MATN2: variants seen among roughly 807,000 people sequenced by gnomAD.
MATN2 encodes the protein matrilin 2, also known as matrilin-2.
In MATN2, 69 loss-of-function variants were observed where a neutral mutation model predicts 103.2. The ratio of observed to expected loss-of-function variants is 0.67; its 90% CI spans 0.55 to 0.82. The LOEUF is 0.82. MATN2 is among the 40% of genes least tolerant of loss of function. MATN2 has a pLI of 0.00. For missense variants in MATN2, 1,023 were observed against 1,211.5 expected, an observed-to-expected ratio of 0.84 and a Z score of 2.31; for synonymous variants, 429 against 450.2, an observed-to-expected ratio of 0.95 and a Z score of 0.60.
chr8:97,925,034 C>A (rs1167264862), intron 2 of MATN2, among the ~76,000 whole-genome samples: 1 of 152,106 alleles, frequency 6.6e-6, no homozygotes. Context: ...GAGCAATGAA[C>A]AATTTGTGAA....
chr8:97,924,847 G>A (rs1001352554), intron 2 of MATN2, among the ~76,000 whole-genome samples: 15 of 152,010 alleles, frequency 9.9e-5, no homozygotes, highest in Non-Finnish European at 1.8e-4. Context: ...TGCATCTTGA[G>A]TATTCTGGAA....
intron 7 of MATN2, among the ~76,000 whole-genome samples, chr8:97,999,271 C>A (rs1275637510): frequency 6.6e-6 from 1 of 152,186 alleles, no homozygotes; most frequent in Non-Finnish European, 1.5e-5. Context: ...CACCTTTTGA[C>A]TTTTATTTAT....
intron 6 of MATN2, among the ~76,000 whole-genome samples, chr8:97,987,255 G>A (rs770552785): frequency 1.3e-5 from 2 of 152,118 alleles, no homozygotes; most frequent in South Asian, 2.1e-4. Flanking sequence ...ACATGGACAC[G>A]TGATAGGGAG....
In MATN2 at chr8:98,007,223, CTCCCGTGAG is replaced by C. The variant is rs1563722465; in HGVS notation, c.1450+1_1450+9del. The C allele has an allele frequency of 6.2e-7, 1 of 1,613,938 alleles. No homozygotes were observed. The highest frequency in any genetic ancestry group is 2.2e-5 in the East Asian group (1 of 44,880). ...TCATCAACGAGGACCTCAAGACCTG[CTCCCGTGAG>C]TCCCTCCGCGCTCCTCTCATAGGGG... is the stretch of plus-strand genomic sequence containing the variant. On this transcript the variant is annotated splice_donor_variant and splice_donor_5th_base_variant and coding_sequence_variant and intron_variant, in exon 9 of 19. Coordinates refer to ENST00000254898, the MANE Select transcript of MATN2 (RefSeq NM_002380.5). LOFTEE classifies it high-confidence loss of function. The surrounding 1 kb of genome is among the most constrained non-coding windows in gnomAD (Gnocchi z 4.2).
chr8:97,945,626 G>A (rs1207260131), intron 4 of MATN2, among the ~76,000 whole-genome samples: 1 of 149,934 alleles, frequency 6.7e-6, no homozygotes, highest in East Asian at 2.0e-4. Context: ...AATTGCTGTG[G>A]TACTGTCATC....
In MATN2 at chr8:98,035,754, A is replaced by G. The variant is rs746166392; in HGVS notation, c.*42A>G. 2.2e-5 allele frequency: 30 copies of G among 1,360,900 alleles called. No individual in the cohort carries two copies. The highest frequency in any genetic ancestry group is 2.9e-5 in the Non-Finnish European group (28 of 967,388). The allele number at this position is 1,360,900 out of a possible 1,614,324, so 84.3% of individuals were successfully genotyped here. On this transcript the variant is annotated 3_prime_UTR_variant, in exon 19 of 19. Transcript: ENST00000254898. ...CACATTTGTAGTCATTGTATCACGG[A>G]TTACAATGAACGCAGTGCAGAGCCC...
At chr8:98,032,647 C>G (rs997362969) in intron 16 of MATN2, among the ~76,000 whole-genome samples, 7 of 151,796 alleles carry the variant, frequency 4.6e-5, no homozygotes, top group African/African-American at 1.5e-4. Context: ...TTCTCCTGCC[C>G]CAGCCTCCCG....
intron 10 of MATN2, among the ~76,000 whole-genome samples, chr8:98,008,579 AGATCCTTG>A (rs1167411200): frequency 2.6e-5 from 4 of 152,332 alleles, no homozygotes; most frequent in African/African-American, 9.6e-5. Context: ...AGTTTGGGAC[AGATCCTTG>A]GATCTTAGCA....
intron 4 of MATN2, chr8:97,950,622 T>A (rs954869518): frequency 1.3e-5 from 2 of 152,152 alleles, no homozygotes; most frequent in African/African-American, 4.8e-5. Flanking sequence ...AAAGATGGAA[T>A]CAGAGAACAA....
Position 98,027,693 on chromosome 8 carries a change from C to A in MATN2, c.2220C>A (p.His740Gln), listed in dbSNP as rs760106101. 3.2e-5 allele frequency: 51 copies of A among 1,613,820 alleles called. 1 individual carries two copies. The South Asian group carries it at 5.6e-4, about 18-fold the overall frequency. Residue 740 changes from histidine to glutamine, a missense_variant, in exon 14 of 19, where the codon CAC becomes CAA. By Grantham distance (24) the His-to-Gln change is conservative (BLOSUM62 0). Coordinates refer to ENST00000254898, the MANE Select transcript of MATN2 (RefSeq NM_002380.5). ...CTATGACTGGGCTGGCCCTGAAACA[C>A]ATGTTTGAGAGAAGTTTTACCCAAG... The part of the protein sequence containing the change: ...KGSMTGLALK[H>Q]MFERSFTQGE...
intron 6 of MATN2, among the ~76,000 whole-genome samples, chr8:97,984,659 C>T (rs1392626519): frequency 1.3e-5 from 2 of 152,162 alleles, no homozygotes; most frequent in Non-Finnish European, 2.9e-5. Flanking sequence ...TCATGGTGTG[C>T]AATGTGTATG....
chr8:97,928,520 C>T (rs2130131855), intron 2 of MATN2, among the ~76,000 whole-genome samples: 1 of 152,336 alleles, frequency 6.6e-6, no homozygotes, highest in South Asian at 2.1e-4. Flanking sequence ...GCCACTGCAC[C>T]TGGCTGAAAA....
Position 98,007,712 on chromosome 8 carries a change from G to T in MATN2, c.1573+111G>T. The T allele has an allele frequency of 7.6e-7, 1 of 1,309,684 alleles. No homozygotes were observed. The allele number at this position is 1,309,684 out of a possible 1,614,324, so 81.1% of individuals were successfully genotyped here. On this transcript the variant is annotated intron_variant, in intron 10 of 18. Transcript: ENST00000254898. This position sits in a 1 kb window ranked among gnomAD's most constrained non-coding sequence, Gnocchi z 4.2. ...TGTGTCCTGTCTCCAGGCTTTGCTG[G>T]GCCTGCATGAATGTGTGTGACAGCA...
At chr8:97,981,972 G>A (rs1396839872) in intron 6 of MATN2, among the ~76,000 whole-genome samples, 1 of 152,246 alleles carries the variant, frequency 6.6e-6, no homozygotes, top group African/African-American at 2.4e-5. Flanking sequence ...GGTCTCACCA[G>A]CTAGGCAGCG....
intron 3 of MATN2, among the ~76,000 whole-genome samples, chr8:97,936,299 T>A (rs1428308043): frequency 6.6e-6 from 1 of 152,184 alleles, no homozygotes; most frequent in African/African-American, 2.4e-5. Context: ...GCTGACTTTA[T>A]CAGCCTCATC....
At chr8:97,885,544 G>C (rs1818394511) in intron 1 of MATN2, among the ~76,000 whole-genome samples, 1 of 152,178 alleles carries the variant, frequency 6.6e-6, no homozygotes, top group South Asian at 2.1e-4. Context: ...GTAAGTTTAG[G>C]ATTTGAGAAA....
chr8:97,947,559 G>A (rs1432563687), intron 4 of MATN2, among the ~76,000 whole-genome samples: 1 of 152,136 alleles, frequency 6.6e-6, no homozygotes, highest in Non-Finnish European at 1.5e-5. Flanking sequence ...TTTTAAAGAT[G>A]TGTATGATTT....
At chr8:97,878,317 C>T (rs1586367687) in intron 1 of MATN2, among the ~76,000 whole-genome samples, 1 of 152,110 alleles carries the variant, frequency 6.6e-6, no homozygotes, top group South Asian at 2.1e-4. Context: ...GTAATCCCAG[C>T]ACTTGGGAGG....
chr8:98,015,836 C>G (rs1813340764), intron 10 of MATN2, among the ~76,000 whole-genome samples: 1 of 152,198 alleles, frequency 6.6e-6, no homozygotes, highest in South Asian at 2.1e-4. Flanking sequence ...TCCCCAGAGT[C>G]TAAAACAGTG....
Sources: allele counts gnomAD v4.1 joint callset (sites outside exome capture counted in the v4.1 genomes callset), GRCh38; gene constraint gnomAD v4.1.1; non-coding constraint Gnocchi (gnomAD v3.1); transcripts MANE v1.5; gene names NCBI Gene and HGNC (gene_info 2026-07-23, HGNC 2026-07-21).